The following RCBTB2 variants were observed in gnomAD, a reference collection of about 807,000 sequenced individuals.
RCBTB2 encodes the protein RCC1 and BTB domain-containing protein 2.
A neutral mutation model predicts 65.4 loss-of-function variants in RCBTB2; 55 were observed. The ratio of observed to expected loss-of-function variants is 0.84; its 90% CI spans 0.68 to 1.05. RCBTB2 has a LOEUF of 1.05. Among genes scored for constraint, RCBTB2 ranks in the 50% least tolerant of loss-of-function variants. The pLI is 0.00. For synonymous variants in RCBTB2, 220 were observed against 255.2 expected (o/e 0.86, Z 1.31); for missense variants, 599 against 680.1 (o/e 0.88, Z 1.33).
At chr13:48,535,561 A>G, upstream of RCBTB2, 1 of 425,252 alleles carries the variant, frequency 2.4e-6, no homozygotes, top group Non-Finnish European at 4.7e-6. Context: ...TGGCCCTCCT[A>G]TTCATTCTTG....
rs540091027 is a variant in RCBTB2 at position 48,499,829 on chromosome 13, C to A, written c.1245-69G>T. On this transcript the variant is annotated intron_variant, in intron 12 of 14. Coordinates refer to ENST00000344532, the MANE Select transcript of RCBTB2 (RefSeq NM_001268.4). ...GGACAGATGGCCTCTGTGAGGACCA[C>A]GTTCTTCTCTCGAAGGTGCACGCTG... 3.8e-6 allele frequency: 6 copies of A among 1,579,682 alleles called. No individual in the cohort carries two copies. The East Asian group carries it at 1.3e-4, about 35-fold the overall frequency.
At chr13:48,528,154 A>G (rs1951908129) in intron 1 of RCBTB2, among the ~76,000 whole-genome samples, 1 of 152,216 alleles carries the variant, frequency 6.6e-6, no homozygotes. Flanking sequence ...AACGTAGAGC[A>G]AAACAATATC....
At chr13:48,502,077 C>G (rs192914403) in intron 11 of RCBTB2, among the ~76,000 whole-genome samples, 24 of 152,302 alleles carry the variant, frequency 1.6e-4, no homozygotes, top group African/African-American at 5.3e-4. Context: ...GCTTATAAAT[C>G]TGGCAAAATA....
At position 48,496,259 on chromosome 13, in the gene RCBTB2, T is replaced by TA. The variant is rs1949965077; in HGVS notation, c.1446dup (p.Ile483TyrfsTer21). 6.3e-7 allele frequency: 1 copy of TA among 1,595,096 alleles called. No homozygotes were observed. The highest frequency in any genetic ancestry group is 1.4e-5 in the African/African-American group (1 of 74,000). ...TTCTCCTCGCAGATGCCTTGCTTGA[T>TA]AGTTTGTTGGCAGAGCTTTTTCAAA... is the stretch of plus-strand genomic sequence containing the variant. On this transcript the variant is annotated frameshift_variant, in exon 14 of 15. Transcript: ENST00000344532. LOFTEE classifies it high-confidence loss of function.
At chr13:48,492,778 T>C (rs1489817998) in intron 14 of RCBTB2, among the ~76,000 whole-genome samples, 5 of 152,318 alleles carry the variant, frequency 3.3e-5, no homozygotes, top group African/African-American at 1.2e-4. Context: ...TGTCTCCTTA[T>C]CTCCTTAACC....
At chr13:48,511,656 A>G in intron 9 of RCBTB2, 114 bp downstream of exon 9, 2 of 829,244 alleles carry the variant, frequency 2.4e-6, no homozygotes, top group South Asian at 1.9e-5. Flanking sequence ...TTTAATGAAG[A>G]CATCCAAGCA....
intron 1 of RCBTB2, among the ~76,000 whole-genome samples, chr13:48,525,091 G>C (rs1238864840): frequency 1.3e-5 from 2 of 151,360 alleles, no homozygotes; most frequent in Non-Finnish European, 2.9e-5. Flanking sequence ...ATGTGGAAAT[G>C]TAAAAAAAAG....
chr13:48,493,508 T>C (rs936259331), intron 14 of RCBTB2, among the ~76,000 whole-genome samples: 3 of 151,938 alleles, frequency 2.0e-5, no homozygotes, highest in African/African-American at 7.3e-5. Flanking sequence ...AACTTGCCTA[T>C]GGACTCTGCA....
intron 10 of RCBTB2, among the ~76,000 whole-genome samples, chr13:48,508,871 A>G (rs1950637822): frequency 6.6e-6 from 1 of 152,060 alleles, no homozygotes; most frequent in Non-Finnish European, 1.5e-5. Flanking sequence ...ACGCCCCACA[A>G]TCCATCTGCC....
intron 10 of RCBTB2, among the ~76,000 whole-genome samples, chr13:48,508,192 G>A (rs1950597027): frequency 6.6e-6 from 1 of 152,288 alleles, no homozygotes; most frequent in Admixed American, 6.5e-5. Context: ...AGGCTCCGGG[G>A]TTCCCCAGGG....
At chr13:48,504,188 C>A in intron 10 of RCBTB2, 2 of 985,432 alleles carry the variant, frequency 2.0e-6, no homozygotes, top group Non-Finnish European at 2.4e-6. Flanking sequence ...CCTCCCAGGT[C>A]TCCCTTGCCT....
intron 13 of RCBTB2, among the ~76,000 whole-genome samples, chr13:48,497,558 G>A (rs779582767): frequency 1.3e-4 from 20 of 152,158 alleles, no homozygotes; most frequent in Non-Finnish European, 2.4e-4. Flanking sequence ...TTGCTGAAAT[G>A]AGTGGTAGCC....
chr13:48,516,080 G>A (rs1249817465), intron 4 of RCBTB2, among the ~76,000 whole-genome samples: 1 of 134,102 alleles, frequency 7.5e-6, no homozygotes, highest in Non-Finnish European at 1.5e-5. Context: ...TAGGCTGGTT[G>A]TAAAAGCAAG....
intron 14 of RCBTB2, among the ~76,000 whole-genome samples, chr13:48,493,315 A>ACACACACACACACACTCT (rs759504798): frequency 2.3e-4 from 17 of 75,082 alleles, no homozygotes; most frequent in African/African-American, 8.4e-4. Flanking sequence ...ACACACACAC[A>ACACACACACACACACTCT]CTCTCTCTCT....
intron 5 of RCBTB2, 68 bp from the exon 6 acceptor site, chr13:48,515,423 A>G (rs1477485755): frequency 3.7e-5 from 55 of 1,496,342 alleles, no homozygotes; most frequent in Non-Finnish European, 4.6e-5. Flanking sequence ...ACATCCAAAC[A>G]GGAATCATCT....
chr13:48,501,803 C>T lies in RCBTB2; in HGVS notation c.1183G>A (p.Asp395Asn). 1.9e-6 allele frequency: 3 copies of T among 1,613,232 alleles called. No individual in the cohort carries two copies. The highest frequency in any genetic ancestry group is 1.7e-6 in the Non-Finnish European group (2 of 1,179,176). The change falls in exon 12 of 15, where the codon GAC becomes AAC. Residue 395 changes from aspartate to asparagine, a missense_variant. Physicochemically the swap from Asp to Asn is conservative, Grantham distance 23. Transcript: ENST00000344532. ...TTTCCATCAACTAGAAACTTCAGGT[C>T]TGCAGTGTCCGGGTTGTCAAATTCC... ...KREFDNPDTA[D>N]LKFLVDGKYI...
At chr13:48,528,517 C>A (rs535527248) in intron 1 of RCBTB2, among the ~76,000 whole-genome samples, 18 of 152,150 alleles carry the variant, frequency 1.2e-4, no homozygotes, top group Admixed American at 6.5e-4. Context: ...ATATCGATAT[C>A]TTTTAGGGTA....
Position 48,515,750 on chromosome 13 carries a change from G to A in RCBTB2, c.43-9C>T. The A allele has an allele frequency of 6.3e-7, 1 of 1,586,284 alleles. No individual in the cohort carries two copies. Among genetic ancestry groups the A allele is most frequent in the Admixed American group, 2.0e-5 (1 of 50,832 alleles). ...AGAGTAGCCTGTACTGGCTGAAAAGGAAAAAATATATGTTGAAATGACAAA... is the reference window on the plus strand; with the variant it reads ...AGAGTAGCCTGTACTGGCTGAAAAGAAAAAAATATATGTTGAAATGACAAA... On this transcript the variant is annotated splice_polypyrimidine_tract_variant and intron_variant, in intron 4 of 14. Coordinates refer to ENST00000344532, the MANE Select transcript of RCBTB2 (RefSeq NM_001268.4).
Position 48,489,080 on chromosome 13 carries a change from A to G in RCBTB2, c.*1031T>C, listed in dbSNP as rs1949598849. ...ACATTGTGAGATACACATTAGAAGA[A>G]TCTGAGACTATGTTCCATTTCAGTT... On this transcript the variant is annotated 3_prime_UTR_variant, in exon 15 of 15. Coordinates refer to ENST00000344532, the MANE Select transcript of RCBTB2 (RefSeq NM_001268.4). 1 of 152,258 alleles carries G rather than the reference A, an allele frequency of 6.6e-6. No individual in the cohort carries two copies. The highest frequency in any genetic ancestry group is 2.1e-4 in the South Asian group (1 of 4,834). 9.4% of individuals were successfully genotyped at this position (152,258 alleles called of 1,614,324 possible). A position where few individuals can be genotyped will look rare whatever the true frequency, so the allele number is the denominator to read the frequency against.
Sources: allele counts gnomAD v4.1 joint callset (sites outside exome capture counted in the v4.1 genomes callset), GRCh38; gene constraint gnomAD v4.1.1; transcripts MANE v1.5; gene names NCBI Gene and HGNC (gene_info 2026-07-23, HGNC 2026-07-21).